SLC24A4: variants seen among roughly 807,000 people sequenced by gnomAD.
SLC24A4 encodes the protein solute carrier family 24 member 4, also known as sodium/potassium/calcium exchanger 4.
Under a neutral mutation model 79.0 loss-of-function variants are expected in SLC24A4, and 53 were observed. That is an observed-to-expected ratio of 0.67 (90% confidence interval 0.54 to 0.84). The LOEUF is 0.84. Among genes scored for constraint, SLC24A4 ranks in the 40% least tolerant of loss-of-function variants. The pLI, the probability that SLC24A4 is intolerant of heterozygous loss-of-function variation, is 0.00. For missense variants in SLC24A4, 731 were observed against 822.0 expected (o/e 0.89, Z 1.35); for synonymous variants, 323 against 323.8 (o/e 1.00, Z 0.03).
chr14:92,400,034 C>T (rs980116877), intron 2 of SLC24A4, among the ~76,000 whole-genome samples: 4 of 152,102 alleles, frequency 2.6e-5, no homozygotes, highest in East Asian at 3.9e-4. Flanking sequence ...AGATTACAGG[C>T]GTGAGCAACT....
intron 12 of SLC24A4, among the ~76,000 whole-genome samples, chr14:92,472,210 T>G (rs1488136928): frequency 6.6e-6 from 1 of 152,192 alleles, no homozygotes; most frequent in Admixed American, 6.5e-5. Flanking sequence ...ACAACCAGAT[T>G]CAGCCCCAGA....
chr14:92,377,595 C>G lies in SLC24A4; in HGVS notation c.241+51617C>G, dbSNP rs574198309. 2.0e-5 allele frequency among the ~76,000 whole-genome samples: 3 copies of G among 152,274 alleles called. No individual in the cohort carries two copies. In the South Asian group the frequency reaches 6.2e-4, roughly 32 times the overall value. On this transcript the variant is annotated intron_variant, in intron 2 of 16. Coordinates refer to ENST00000532405, the MANE Select transcript of SLC24A4 (RefSeq NM_153646.4). ...GCTGCAATGCCAGGGAGGGTCCACTCAGAGGGACCTCATATGCCTTGCAGA... is the reference window on the plus strand; with the variant it reads ...GCTGCAATGCCAGGGAGGGTCCACTGAGAGGGACCTCATATGCCTTGCAGA...
At chr14:92,388,690 G>A (rs1052166944) in intron 2 of SLC24A4, among the ~76,000 whole-genome samples, 2 of 152,244 alleles carry the variant, frequency 1.3e-5, no homozygotes, top group African/African-American at 4.8e-5. Context: ...CGTCAGAGAT[G>A]TCCTCACCCA....
intron 13 of SLC24A4, among the ~76,000 whole-genome samples, chr14:92,485,515 A>G (rs1895301408): frequency 6.6e-6 from 1 of 152,112 alleles, no homozygotes; most frequent in Non-Finnish European, 1.5e-5. Flanking sequence ...AAAGATGACA[A>G]TCAGAGATAA....
In SLC24A4 at chr14:92,499,729, A is replaced by C. The variant is rs1006080495; in HGVS notation, c.*6101A>C. 4.6e-5 allele frequency: 7 copies of C among 150,718 alleles called. No individual in the cohort carries two copies. Among genetic ancestry groups the C allele is most frequent in the Admixed American group, 3.3e-4 (5 of 15,098 alleles). 9.3% of individuals were successfully genotyped at this position (150,718 alleles called of 1,614,324 possible). ...GAGACAGGATCTCGCTGTGTTCCCC[A>C]GGTAGGTCTTGAACTCCTGGCCTCA... On this transcript the variant is annotated 3_prime_UTR_variant, in exon 17 of 17. Transcript: ENST00000532405.
Position 92,353,988 on chromosome 14 carries a change from A to G in SLC24A4, c.241+28010A>G, listed in dbSNP as rs1887027937. Among the ~76,000 whole-genome samples, 2 of 152,154 alleles carry G rather than the reference A, an allele frequency of 1.3e-5. No homozygotes were observed. The highest frequency in any genetic ancestry group is 2.9e-5 in the Non-Finnish European group (2 of 68,018). ...ACCTCGCAGTCACTTGCTAAGAGAA[A>G]TTAAGCTAAATTGCCTCCGGTTTTG... On this transcript the variant is annotated intron_variant, in intron 2 of 16. Coordinates refer to ENST00000532405, the MANE Select transcript of SLC24A4 (RefSeq NM_153646.4). This position sits in a 1 kb window ranked among gnomAD's most constrained non-coding sequence, Gnocchi z 4.1.
chr14:92,326,679 G>C (rs1228267261), intron 2 of SLC24A4, among the ~76,000 whole-genome samples: 1 of 152,198 alleles, frequency 6.6e-6, no homozygotes, highest in African/African-American at 2.4e-5. Context: ...CCACTGCCCA[G>C]ATCGCAGGCT....
chr14:92,360,143 T>C (rs901101613), intron 2 of SLC24A4, among the ~76,000 whole-genome samples: 12 of 152,238 alleles, frequency 7.9e-5, no homozygotes, highest in African/African-American at 2.7e-4. Context: ...ATGATGGTCT[T>C]GATCTCTTGA....
intron 11 of SLC24A4, among the ~76,000 whole-genome samples, chr14:92,455,894 T>A (rs891553203): frequency 6.6e-6 from 1 of 152,136 alleles, no homozygotes. Flanking sequence ...AGAGACAGGG[T>A]TTCACCATGT....
chr14:92,334,121 C>T (rs1035413662), intron 2 of SLC24A4, among the ~76,000 whole-genome samples: 1 of 152,156 alleles, frequency 6.6e-6, no homozygotes, highest in African/African-American at 2.4e-5. Flanking sequence ...ACTTGGGAGA[C>T]AAGTCACACA....
At chr14:92,411,236 A>G (rs1890690671) in intron 2 of SLC24A4, among the ~76,000 whole-genome samples, 1 of 152,154 alleles carries the variant, frequency 6.6e-6, no homozygotes, top group Non-Finnish European at 1.5e-5. Context: ...CTCATAGTGC[A>G]TGGAAACTCA....
At position 92,490,314 on chromosome 14, in the gene SLC24A4, C is replaced by T. The variant is rs1457474128; in HGVS notation, c.1538-1351C>T. Among the ~76,000 whole-genome samples the T allele has an allele frequency of 3.3e-5, 5 of 151,940 alleles. No homozygotes were observed. The highest frequency in any genetic ancestry group is 3.9e-4 in the East Asian group (2 of 5,156). ...GGGTTAGGGCAGATTCCAGCCAGTA[C>T]GAGTCTTACTTACAAAAGTTTGCTT... On this transcript the variant is annotated intron_variant, in intron 14 of 16. Transcript: ENST00000532405. The surrounding 1 kb of genome is among the most constrained non-coding windows in gnomAD (Gnocchi z 4.3).
At chr14:92,426,999 T>TA (rs1311600424) in intron 2 of SLC24A4, among the ~76,000 whole-genome samples, 1 of 152,178 alleles carries the variant, frequency 6.6e-6, no homozygotes, top group Non-Finnish European at 1.5e-5. Flanking sequence ...TTCTTTCCTT[T>TA]AAAAAAATTC....
At chr14:92,403,054 G>A (rs1890192954) in intron 2 of SLC24A4, among the ~76,000 whole-genome samples, 1 of 152,128 alleles carries the variant, frequency 6.6e-6, no homozygotes, top group Admixed American at 6.5e-5. Context: ...TTGGGGCTCT[G>A]CCATCTTCAA....
At chr14:92,326,285 C>T (rs1009075720) in intron 2 of SLC24A4, among the ~76,000 whole-genome samples, 8 of 151,216 alleles carry the variant, frequency 5.3e-5, no homozygotes, top group Admixed American at 2.0e-4. Context: ...GTTTGCGGCT[C>T]GGGGTGTCTT....
chr14:92,325,547 C>G (rs2014123), intron 1 of SLC24A4, among the ~76,000 whole-genome samples: 2 of 152,174 alleles, frequency 1.3e-5, no homozygotes, highest in Non-Finnish European at 2.9e-5. Context: ...TGAGAGTGTC[C>G]TTTACTGGAA....
chr14:92,448,964 C>A, intron 9 of SLC24A4, 110 bp from the exon 10 acceptor site: 1 of 1,321,756 alleles, frequency 7.6e-7, no homozygotes, highest in Non-Finnish European at 1.0e-6. Flanking sequence ...TGCCACCCAC[C>A]ACTCCTGGGC....
At chr14:92,386,001 G>A (rs1889136571) in intron 2 of SLC24A4, among the ~76,000 whole-genome samples, 1 of 152,042 alleles carries the variant, frequency 6.6e-6, no homozygotes, top group Non-Finnish European at 1.5e-5. Flanking sequence ...AGGTTCTGGG[G>A]GCTTCAAGGC....
intron 12 of SLC24A4, among the ~76,000 whole-genome samples, chr14:92,468,048 A>G (rs927220719): frequency 1.3e-5 from 2 of 152,198 alleles, no homozygotes; most frequent in Non-Finnish European, 2.9e-5. Flanking sequence ...CCACACAAAA[A>G]TAACACTATT....
Sources: gnomAD v4.1 joint callset for allele counts (sites outside exome capture counted in the v4.1 genomes callset) on GRCh38, gnomAD v4.1.1 for gene constraint, Gnocchi (gnomAD v3.1) non-coding constraint, MANE v1.5 for transcripts, NCBI Gene and HGNC (gene_info 2026-07-23, HGNC 2026-07-21) for gene names.